Variants in SCFD2 observed in about 807,000 individuals in gnomAD.
SCFD2 encodes the protein sec1 family domain containing 2, also known as sec1 family domain-containing protein 2.
A neutral mutation model predicts 58.9 loss-of-function variants in SCFD2; 54 were observed. That is an observed-to-expected ratio of 0.92 (90% confidence interval 0.74 to 1.15). The LOEUF (loss-of-function observed/expected upper bound fraction) is 1.15, where lower values mean the gene tolerates loss of function less well. Among genes scored for constraint, SCFD2 ranks in the 50% most tolerant of loss-of-function variants. The pLI is 0.00. For missense variants in SCFD2, 805 were observed against 836.6 expected (o/e 0.96, Z 0.47); for synonymous variants, 321 against 335.9 (o/e 0.96, Z 0.49).
intron 5 of SCFD2, among the ~76,000 whole-genome samples, chr4:53,053,769 T>C (rs1362005033): frequency 6.6e-6 from 1 of 152,162 alleles, no homozygotes; most frequent in Non-Finnish European, 1.5e-5. Context: ...AGGAGCATCT[T>C]CCCCTTGTTT....
chr4:53,056,074 G>A (rs1180892984), intron 5 of SCFD2, among the ~76,000 whole-genome samples: 4 of 150,460 alleles, frequency 2.7e-5, no homozygotes, highest in African/African-American at 9.7e-5. Context: ...TATTCCCCAA[G>A]ATACCTTCCA....
chr4:52,937,618 T>C (rs2109507842), intron 5 of SCFD2, among the ~76,000 whole-genome samples: 1 of 152,232 alleles, frequency 6.6e-6, no homozygotes, highest in Middle Eastern at 3.4e-3. Context: ...ACAATAATCA[T>C]CCAAATTGCT....
intron 5 of SCFD2, among the ~76,000 whole-genome samples, chr4:53,019,075 A>G (rs1260191667): frequency 6.6e-6 from 1 of 152,200 alleles, no homozygotes; most frequent in Non-Finnish European, 1.5e-5. Flanking sequence ...AATGTGTTCA[A>G]TAGATATTAG....
At chr4:53,258,043 G>A (rs1041858988) in intron 4 of SCFD2, among the ~76,000 whole-genome samples, 9 of 152,118 alleles carry the variant, frequency 5.9e-5, no homozygotes, top group African/African-American at 2.2e-4. Context: ...CATTGATCGA[G>A]GGCCATAAAG....
At chr4:53,237,927 C>A (rs1232796284) in intron 4 of SCFD2, among the ~76,000 whole-genome samples, 1 of 119,850 alleles carries the variant, frequency 8.3e-6, no homozygotes, top group Non-Finnish European at 1.8e-5. Flanking sequence ...ACCTCCCTTC[C>A]GGACGGGGCG....
At chr4:53,351,971 T>C (rs1734233460) in intron 2 of SCFD2, among the ~76,000 whole-genome samples, 1 of 148,974 alleles carries the variant, frequency 6.7e-6, no homozygotes, top group South Asian at 2.2e-4. Context: ...CTTCTAATAC[T>C]TTTATTTTTT....
At chr4:53,070,222 G>A (rs1723777926) in intron 5 of SCFD2, among the ~76,000 whole-genome samples, 1 of 152,066 alleles carries the variant, frequency 6.6e-6, no homozygotes. Flanking sequence ...GGTTTTATCA[G>A]TTGTTGACTT....
chr4:53,283,027 G>A (rs2149078617), intron 3 of SCFD2, among the ~76,000 whole-genome samples: 1 of 152,316 alleles, frequency 6.6e-6, no homozygotes, highest in Admixed American at 6.5e-5. Flanking sequence ...GGTGGATAGT[G>A]AGGAGTATAA....
At chr4:53,092,501 T>C (rs533086804) in intron 5 of SCFD2, among the ~76,000 whole-genome samples, 9 of 152,222 alleles carry the variant, frequency 5.9e-5, no homozygotes, top group South Asian at 4.1e-4. Context: ...TGAATATTCA[T>C]AGTAGCTTTA....
At chr4:53,047,826 C>T (rs1204096749) in intron 5 of SCFD2, among the ~76,000 whole-genome samples, 12 of 152,152 alleles carry the variant, frequency 7.9e-5, no homozygotes, top group Non-Finnish European at 1.8e-4. Flanking sequence ...CAGAAATGGG[C>T]ATCTCCAGTA....
chr4:53,328,606 A>C (rs910533857), intron 2 of SCFD2, among the ~76,000 whole-genome samples: 2 of 152,242 alleles, frequency 1.3e-5, no homozygotes, highest in East Asian at 3.8e-4. Flanking sequence ...ACAAACATAC[A>C]TACATGCGGA....
chr4:52,920,843 A>C lies in SCFD2; in HGVS notation c.1589T>G (p.Phe530Cys), dbSNP rs745871952. ...TDWDSSINLT[F>C]HKSKIAVDEL... ...ATCCACGGCAATTTTGGATTTGTGA[A>C]ATGTCAGATTAATTGAAGAGTCCCA... is the stretch of plus-strand genomic sequence containing the variant. The change falls in exon 6 of 9, where the codon TTT becomes TGT. Residue 530 changes from phenylalanine (F) to cysteine (C), a missense_variant. Coordinates refer to ENST00000401642, the MANE Select transcript of SCFD2 (RefSeq NM_152540.4). 56 of 1,611,468 alleles carry C rather than the reference A, an allele frequency of 3.5e-5. No individual in the cohort carries two copies. Among genetic ancestry groups the C allele is most frequent in the Non-Finnish European group, 4.6e-5 (54 of 1,178,516 alleles).
chr4:53,342,884 G>T (rs1268540166), intron 2 of SCFD2, among the ~76,000 whole-genome samples: 1 of 152,196 alleles, frequency 6.6e-6, no homozygotes, highest in Non-Finnish European at 1.5e-5. Context: ...AATGAAGGCA[G>T]AAATAAAGAT....
chr4:53,097,312 G>T (rs1345105413), intron 5 of SCFD2, among the ~76,000 whole-genome samples: 2 of 152,146 alleles, frequency 1.3e-5, no homozygotes, highest in Non-Finnish European at 2.9e-5. Context: ...GGGCAGTATG[G>T]CTATTTTCAC....
intron 5 of SCFD2, among the ~76,000 whole-genome samples, chr4:53,128,194 T>G (rs920515355): frequency 8.5e-5 from 13 of 152,092 alleles, no homozygotes; most frequent in Non-Finnish European, 1.5e-4. Flanking sequence ...AAGGAAGTAA[T>G]TAAGAATTTG....
chr4:53,226,491 GT>G (rs1378712409), intron 4 of SCFD2, among the ~76,000 whole-genome samples: 1 of 151,996 alleles, frequency 6.6e-6, no homozygotes, highest in Non-Finnish European at 1.5e-5. Context: ...TTTTTTGGCT[GT>G]TTTCAAGAAT....
chr4:53,047,393 A>G (rs1324476773), intron 5 of SCFD2, among the ~76,000 whole-genome samples: 1 of 152,174 alleles, frequency 6.6e-6, no homozygotes, highest in Non-Finnish European at 1.5e-5. Context: ...GGTGGCAGTG[A>G]GCCATGATCA....
chr4:53,067,951 G>T (rs771033684), intron 5 of SCFD2, among the ~76,000 whole-genome samples: 21 of 152,188 alleles, frequency 1.4e-4, no homozygotes, highest in East Asian at 9.7e-4. Flanking sequence ...AGCCAGAAAA[G>T]AAATCTATAA....
At chr4:53,084,326 A>T (rs1724239005) in intron 5 of SCFD2, among the ~76,000 whole-genome samples, 1 of 152,182 alleles carries the variant, frequency 6.6e-6, no homozygotes, top group East Asian at 1.9e-4. Context: ...CTCTGCAAGA[A>T]GAAAAATATG....
Sources: gnomAD v4.1 joint callset for allele counts (sites outside exome capture counted in the v4.1 genomes callset) on GRCh38, gnomAD v4.1.1 for gene constraint, MANE v1.5 for transcripts, NCBI Gene and HGNC (gene_info 2026-07-23, HGNC 2026-07-21) for gene names.